Variants in CDH13 observed in about 807,000 individuals in gnomAD.
CDH13 encodes the protein cadherin 13.
CDH13 carries 24 observed loss-of-function variants against 63.8 expected under a neutral mutation model. The observed-to-expected ratio is 0.38, with a 90% confidence interval of 0.27 to 0.53. The LOEUF (loss-of-function observed/expected upper bound fraction) is 0.53, where lower values mean the gene tolerates loss of function less well. Among genes scored for constraint, CDH13 ranks in the 20% least tolerant of loss-of-function variants. The probability of loss-of-function intolerance (pLI) is 0.85; values close to 1 mark genes in which losing one functional copy is unlikely to be tolerated. For missense variants in CDH13, 1,049 were observed against 903.1 expected (o/e 1.16, Z -2.07); for synonymous variants, 503 against 355.3 (o/e 1.42, Z -4.67).
At chr16:82,690,137 C>T (rs1284195954) in intron 1 of CDH13, among the ~76,000 whole-genome samples, 1 of 140,190 alleles carries the variant, frequency 7.1e-6, no homozygotes, top group Non-Finnish European at 1.5e-5. Context: ...TATTGCACTC[C>T]AGCCTGGGCA....
chr16:82,661,183 C>T (rs769541405), intron 1 of CDH13, among the ~76,000 whole-genome samples: 1 of 152,188 alleles, frequency 6.6e-6, no homozygotes, highest in Non-Finnish European at 1.5e-5. Flanking sequence ...ATTGTTTACG[C>T]TGACCTAGTG....
intron 2 of CDH13, among the ~76,000 whole-genome samples, chr16:82,992,700 T>A (rs1911789875): frequency 6.6e-6 from 1 of 152,142 alleles, no homozygotes; most frequent in South Asian, 2.1e-4. Context: ...GAGGGTGATA[T>A]ACAAAAAAAA....
intron 5 of CDH13, among the ~76,000 whole-genome samples, chr16:83,328,123 CAAAAA>C (rs56838139): frequency 7.3e-6 from 1 of 136,170 alleles, no homozygotes; most frequent in Admixed American, 7.4e-5. Flanking sequence ...ACAGTATTGT[CAAAAA>C]AAAAAAAAAA....
chr16:82,944,093 C>T (rs1436378350), intron 2 of CDH13, among the ~76,000 whole-genome samples: 2 of 152,188 alleles, frequency 1.3e-5, no homozygotes, highest in Admixed American at 1.3e-4. Context: ...CAATTCATTA[C>T]TCAGCCATTA....
intron 4 of CDH13, among the ~76,000 whole-genome samples, chr16:83,174,098 G>A (rs2151733631): frequency 6.6e-6 from 1 of 152,236 alleles, no homozygotes; most frequent in African/African-American, 2.4e-5. Flanking sequence ...TGGTCAGTAT[G>A]AAGTCTGTCC....
At chr16:82,843,150 G>A (rs1228977637) in intron 1 of CDH13, among the ~76,000 whole-genome samples, 2 of 152,194 alleles carry the variant, frequency 1.3e-5, no homozygotes, top group African/African-American at 4.8e-5. Flanking sequence ...TTCAAAGAAG[G>A]TATCAGCATG....
intron 6 of CDH13, among the ~76,000 whole-genome samples, chr16:83,354,228 C>G (rs775773372): frequency 1.3e-5 from 2 of 152,214 alleles, no homozygotes; most frequent in Admixed American, 6.5e-5. Context: ...GATCCTATCC[C>G]TGATACCAAA....
At chr16:83,643,302 G>GAAAAAAA (rs1033707256) in intron 8 of CDH13, among the ~76,000 whole-genome samples, 2 of 71,752 alleles carry the variant, frequency 2.8e-5, no homozygotes, top group South Asian at 7.5e-4. Context: ...AAAAAAAAAA[G>GAAAAAAA]AAAAAAAAAA....
At chr16:82,877,844 G>A (rs2040556184) in intron 2 of CDH13, among the ~76,000 whole-genome samples, 1 of 149,080 alleles carries the variant, frequency 6.7e-6, no homozygotes, top group African/African-American at 2.5e-5. Flanking sequence ...TGGGGGCCAG[G>A]GAAGACCTGA....
chr16:83,376,895 A>G (rs2091469994), intron 6 of CDH13, among the ~76,000 whole-genome samples: 1 of 152,082 alleles, frequency 6.6e-6, no homozygotes, highest in African/African-American at 2.4e-5. Context: ...TGCAACGTTC[A>G]CTCTGATAGA....
chr16:82,827,828 G>C (rs1282993489), intron 1 of CDH13, among the ~76,000 whole-genome samples: 1 of 152,126 alleles, frequency 6.6e-6, no homozygotes, highest in Non-Finnish European at 1.5e-5. Flanking sequence ...TATGGTGTAG[G>C]ATGGTCAGAT....
intron 7 of CDH13, among the ~76,000 whole-genome samples, chr16:83,588,073 T>C (rs1054712095): frequency 2.0e-5 from 3 of 152,120 alleles, no homozygotes; most frequent in African/African-American, 7.2e-5. Context: ...GGGCTGAGCC[T>C]GGGGCTGGGA....
chr16:82,800,849 A>T (rs1046152573), intron 1 of CDH13, among the ~76,000 whole-genome samples: 2 of 152,130 alleles, frequency 1.3e-5, no homozygotes, highest in Non-Finnish European at 2.9e-5. Context: ...TATTTTACTC[A>T]TTTGTAGTCA....
chr16:83,684,512 C>T (rs556579449), intron 10 of CDH13, among the ~76,000 whole-genome samples: 2 of 152,310 alleles, frequency 1.3e-5, no homozygotes, highest in South Asian at 2.1e-4. Context: ...AGGGAGGCAG[C>T]CGGCAGCTAA....
chr16:82,707,854 AC>A (rs1163737748), intron 1 of CDH13, among the ~76,000 whole-genome samples: 1 of 152,192 alleles, frequency 6.6e-6, no homozygotes, highest in Non-Finnish European at 1.5e-5. Flanking sequence ...AGTAAAATTT[AC>A]CCAAAGAAAG....
chr16:83,342,843 G>GTTTTTTTTTTTTTTTTTTTTTTTTTT lies in CDH13; in HGVS notation c.637-1995_637-1994insTTTTTTTTTTTTTTTTTTTTTTTTTT, dbSNP rs778316746. ...TTAGGCACAGTGTTTTTTTGTTTCT[G>GTTTTTTTTTTTTTTTTTTTTTTTTTT]TTTTTTTTTTTTTTTTTTTTTTTTG... On this transcript the variant is annotated intron_variant, in intron 5 of 13. Coordinates refer to ENST00000567109, the MANE Select transcript of CDH13 (RefSeq NM_001257.5). 4.4e-4 allele frequency among the ~76,000 whole-genome samples: 29 copies of GTTTTTTTTTTTTTTTTTTTTTTTTTT among 65,318 alleles called. 3 individuals are homozygous for GTTTTTTTTTTTTTTTTTTTTTTTTTT. The highest frequency in any genetic ancestry group is 5.1e-4 in the East Asian group (1 of 1,954). The allele number at this position is 65,318 out of a possible 152,430, so 42.9% of individuals were successfully genotyped here.
At chr16:83,139,573 A>G (rs1025524012) in intron 4 of CDH13, among the ~76,000 whole-genome samples, 1 of 152,140 alleles carries the variant, frequency 6.6e-6, no homozygotes, top group East Asian at 1.9e-4. Context: ...TGTTATTTGC[A>G]TCTGGAAATC....
chr16:82,716,860 C>T (rs1256526137), intron 1 of CDH13, among the ~76,000 whole-genome samples: 1 of 151,930 alleles, frequency 6.6e-6, no homozygotes, highest in South Asian at 2.1e-4. Context: ...TTGCCTCAAG[C>T]AGAAGCCTTA....
At chr16:83,707,347 A>G (rs993472325) in intron 10 of CDH13, among the ~76,000 whole-genome samples, 2 of 152,026 alleles carry the variant, frequency 1.3e-5, no homozygotes, top group African/African-American at 4.8e-5. Context: ...TTAGGCCATT[A>G]TTACCTCCTT....
Sources: allele counts gnomAD v4.1 joint callset (sites outside exome capture counted in the v4.1 genomes callset), GRCh38; gene constraint gnomAD v4.1.1; transcripts MANE v1.5; gene names NCBI Gene and HGNC (gene_info 2026-07-23, HGNC 2026-07-21).